LAMA2: variants seen among roughly 807,000 people sequenced by gnomAD.
LAMA2 encodes laminin subunit alpha-2.
Under a neutral mutation model 364.8 loss-of-function variants are expected in LAMA2, and 269 were observed. The ratio of observed to expected loss-of-function variants is 0.74; its 90% CI spans 0.67 to 0.82. LAMA2 has a LOEUF of 0.82. Ranked by LOEUF, LAMA2 falls within the 40% of genes least tolerant of loss-of-function variation. LAMA2 has a pLI of 0.00. For missense variants in LAMA2, 3,807 were observed against 3,873.2 expected, an observed-to-expected ratio of 0.98 and a Z score of 0.45; for synonymous variants, 1,379 against 1,370.6, an observed-to-expected ratio of 1.01 and a Z score of -0.14.
At chr6:129,013,376 G>T (rs1276885470) in intron 1 of LAMA2, among the ~76,000 whole-genome samples, 1 of 152,130 alleles carries the variant, frequency 6.6e-6, no homozygotes, top group Non-Finnish European at 1.5e-5. Context: ...GGCGGAGCCT[G>T]CAGGGAGCCG....
intron 4 of LAMA2, among the ~76,000 whole-genome samples, chr6:129,102,102 C>G (rs1008209473): frequency 2.7e-5 from 4 of 150,094 alleles, no homozygotes; most frequent in African/African-American, 7.3e-5. Context: ...CTAAATTTCT[C>G]TGGTTCATTT....
At chr6:129,109,279 A>C (rs900658162) in intron 4 of LAMA2, among the ~76,000 whole-genome samples, 6 of 152,124 alleles carry the variant, frequency 3.9e-5, no homozygotes, top group Non-Finnish European at 7.4e-5. Context: ...ATAAGTGGGC[A>C]ACAGAACCCA....
Position 129,281,063 on chromosome 6 carries a change from G to A in LAMA2, c.2537+916G>A, listed in dbSNP as rs528194716. Among the ~76,000 whole-genome samples the A allele has an allele frequency of 5.3e-5, 8 of 152,174 alleles. No homozygotes were observed. In the East Asian group the frequency reaches 1.5e-3, roughly 29 times the overall value. On this transcript the variant is annotated intron_variant, in intron 18 of 64. Coordinates refer to ENST00000421865, the MANE Select transcript of LAMA2 (RefSeq NM_000426.4). ...CCAGAGAGAATTTAGCTAGCAACTA[G>A]CAGTCTGTGGACAAAGTGCCAATGA...
At chr6:129,015,954 G>A (rs2114704584) in intron 1 of LAMA2, among the ~76,000 whole-genome samples, 1 of 151,864 alleles carries the variant, frequency 6.6e-6, no homozygotes, top group South Asian at 2.1e-4. Flanking sequence ...ATCAGCAGGA[G>A]GTTCTTTTTC....
rs147726972 is a variant in LAMA2 at position 128,896,463 on chromosome 6, T to C, written c.112+13106T>C. Among the ~76,000 whole-genome samples, 577 of 152,174 alleles carry C rather than the reference T, an allele frequency of 3.8e-3. 4 individuals are homozygous for C. Among genetic ancestry groups the C allele is most frequent in the African/African-American group, 0.013 (552 of 41,514 alleles). On this transcript the variant is annotated intron_variant, in intron 1 of 64. Transcript: ENST00000421865. ...CAGTAACACTGAAAGAGTTAATTGA[T>C]GTGTCCCATCTTTATTGCTTTTGTA...
At chr6:129,010,018 T>G (rs1276508525) in intron 1 of LAMA2, among the ~76,000 whole-genome samples, 1 of 152,198 alleles carries the variant, frequency 6.6e-6, no homozygotes, top group Admixed American at 6.5e-5. Context: ...GTTTCAATGT[T>G]ATTCTGCAGC....
chr6:128,891,434 C>T (rs1386543887), intron 1 of LAMA2, among the ~76,000 whole-genome samples: 4 of 151,976 alleles, frequency 2.6e-5, no homozygotes, highest in South Asian at 2.1e-4. Context: ...GCCTTCTGTG[C>T]AATTTTCAAT....
chr6:128,963,939 CA>C (rs1781689673), intron 1 of LAMA2, among the ~76,000 whole-genome samples: 1 of 152,104 alleles, frequency 6.6e-6, no homozygotes, highest in Non-Finnish European at 1.5e-5. Flanking sequence ...TTTAAACCAA[CA>C]TGTAAATGTT....
At chr6:129,488,460 ACCACTATG>A (rs11270179) in intron 56 of LAMA2, among the ~76,000 whole-genome samples, 95,513 of 151,670 alleles carry the variant, frequency 0.63, 31,073 homozygotes, top group Non-Finnish European at 0.72. Context: ...ACACTATTGT[ACCACTATG>A]CCACTATGTC....
At chr6:129,397,730 A>C (rs963337776) in intron 37 of LAMA2, among the ~76,000 whole-genome samples, 101 of 152,060 alleles carry the variant, frequency 6.6e-4, no homozygotes, top group African/African-American at 2.1e-3. Context: ...CCTGGCTAAC[A>C]TGGTGAAACC....
At position 129,024,987 on chromosome 6, in the gene LAMA2, ATATTT is replaced by A. The variant is rs573071463; in HGVS notation, c.113-24924_113-24920del. On this transcript the variant is annotated intron_variant, in intron 1 of 64. Coordinates refer to ENST00000421865, the MANE Select transcript of LAMA2 (RefSeq NM_000426.4). ...AAAAAAGAATCAAAGGCCTTAAGAA[ATATTT>A]TATTTTTACCTCAGAAAATTTAAAA... Among the ~76,000 whole-genome samples the A allele has an allele frequency of 7.4e-3, 1,121 of 152,220 alleles. 16 individuals are homozygous for A. The highest frequency in any genetic ancestry group is 0.026 in the African/African-American group (1,083 of 41,528).
intron 2 of LAMA2, among the ~76,000 whole-genome samples, chr6:129,052,341 G>A (rs1228923068): frequency 6.7e-6 from 1 of 149,768 alleles, no homozygotes; most frequent in Non-Finnish European, 1.5e-5. Context: ...GTTGAGACGG[G>A]GTTTCACCGT....
intron 29 of LAMA2, among the ~76,000 whole-genome samples, chr6:129,331,111 C>T (rs140150651): frequency 0.012 from 1,774 of 152,180 alleles, 28 homozygotes; most frequent in African/African-American, 0.04. Context: ...CCTCATGATC[C>T]ATGATTCGCC....
intron 18 of LAMA2, among the ~76,000 whole-genome samples, chr6:129,286,372 A>T (rs1789123277): frequency 6.6e-6 from 1 of 151,142 alleles, no homozygotes; most frequent in African/African-American, 2.4e-5. Context: ...GAAAGAGAAG[A>T]CAGAGCAGAA....
chr6:129,108,781 GTTCCTAAGACATGTTA>G (rs745577729), intron 4 of LAMA2, among the ~76,000 whole-genome samples: 16 of 152,140 alleles, frequency 1.1e-4, no homozygotes, highest in Non-Finnish European at 1.9e-4. Flanking sequence ...TGCTATCCAA[GTTCCTAAGACATGTTA>G]TTCCTCTAAA....
rs200762685 is a variant in LAMA2 at position 129,267,869 on chromosome 6, C to A, written c.2322+650C>A. ...GGATTGGAGAATTACACTGAATAGACCATTCTGATTAACTCAAGGGCACAT... is the reference window on the plus strand; with the variant it reads ...GGATTGGAGAATTACACTGAATAGAACATTCTGATTAACTCAAGGGCACAT... On this transcript the variant is annotated intron_variant, in intron 16 of 64. Coordinates refer to ENST00000421865, the MANE Select transcript of LAMA2 (RefSeq NM_000426.4). Among the ~76,000 whole-genome samples, 5 of 152,180 alleles carry A rather than the reference C, an allele frequency of 3.3e-5. No homozygotes were observed. The East Asian group carries it at 9.7e-4, about 29-fold the overall frequency.
chr6:129,064,045 T>C (rs1333338064), intron 3 of LAMA2, among the ~76,000 whole-genome samples: 2 of 152,154 alleles, frequency 1.3e-5, no homozygotes, highest in Admixed American at 6.5e-5. Context: ...AAGGTCATTA[T>C]TCTTTCATGT....
At chr6:129,481,795 C>G (rs956412649) in intron 55 of LAMA2, among the ~76,000 whole-genome samples, 2 of 152,172 alleles carry the variant, frequency 1.3e-5, no homozygotes, top group African/African-American at 4.8e-5. Flanking sequence ...AATCTGTAGA[C>G]AGTCAGCTTC....
At chr6:129,351,663 T>C (rs1259355938) in intron 31 of LAMA2, among the ~76,000 whole-genome samples, 1 of 152,174 alleles carries the variant, frequency 6.6e-6, no homozygotes, top group Non-Finnish European at 1.5e-5. Context: ...ACTGCTTAAA[T>C]TTCTTGAGTA....
Sources: gnomAD v4.1 joint callset for allele counts (sites outside exome capture counted in the v4.1 genomes callset) on GRCh38, gnomAD v4.1.1 for gene constraint, MANE v1.5 for transcripts, NCBI Gene and HGNC (gene_info 2026-07-23, HGNC 2026-07-21) for gene names.